The following FERMT2 variants were observed in gnomAD, a reference collection of about 807,000 sequenced individuals.
FERMT2 encodes the protein fermitin family homolog 2.
FERMT2 carries 15 observed loss-of-function variants against 82.7 expected under a neutral mutation model. That is an observed-to-expected ratio of 0.18 (90% confidence interval 0.12 to 0.28). FERMT2 has a LOEUF of 0.28. Ranked by LOEUF, FERMT2 falls within the 10% of genes least tolerant of loss-of-function variation. The probability of loss-of-function intolerance (pLI) is 1.00; values close to 1 mark genes in which losing one functional copy is unlikely to be tolerated. For missense variants in FERMT2, 645 were observed against 809.4 expected (o/e 0.80, Z 2.46); for synonymous variants, 274 against 271.5 (o/e 1.01, Z -0.09).
At chr14:52,937,343 C>T (rs909900108) in intron 2 of FERMT2, among the ~76,000 whole-genome samples, 2 of 152,166 alleles carry the variant, frequency 1.3e-5, no homozygotes, top group Admixed American at 1.3e-4. Context: ...AACAGAATAT[C>T]GTTTCACAGT....
chr14:52,882,450 C>T (rs565835076), intron 4 of FERMT2, among the ~76,000 whole-genome samples: 3 of 152,136 alleles, frequency 2.0e-5, no homozygotes, highest in Non-Finnish European at 4.4e-5. Flanking sequence ...ATGGTATGTG[C>T]TCCTTTATTT....
intron 12 of FERMT2, chr14:52,861,083 A>C: frequency 6.8e-7 from 1 of 1,475,734 alleles, no homozygotes; most frequent in Non-Finnish European, 9.0e-7. Flanking sequence ...AAGAAAAAAA[A>C]AGGCAATCAG....
At chr14:52,945,979 C>T (rs577363612) in intron 2 of FERMT2, among the ~76,000 whole-genome samples, 7 of 152,212 alleles carry the variant, frequency 4.6e-5, no homozygotes, top group African/African-American at 9.6e-5. Flanking sequence ...TGGGTTCGAG[C>T]GATTCTCCTG....
chr14:52,868,940 G>A (rs1202711333), intron 10 of FERMT2, among the ~76,000 whole-genome samples: 2 of 152,192 alleles, frequency 1.3e-5, no homozygotes, highest in Non-Finnish European at 2.9e-5. Flanking sequence ...TGAGTCCTTT[G>A]AGAGGACTTG....
intron 3 of FERMT2, among the ~76,000 whole-genome samples, chr14:52,913,380 C>T (rs1378421122): frequency 1.3e-5 from 2 of 152,160 alleles, no homozygotes; most frequent in Admixed American, 6.5e-5. Context: ...CTGGATATGG[C>T]TTCTCTGTCC....
At chr14:52,880,863 T>C (rs576838030) in intron 6 of FERMT2, among the ~76,000 whole-genome samples, 173 bp downstream of exon 6, 1 of 152,322 alleles carries the variant, frequency 6.6e-6, no homozygotes, top group African/African-American at 2.4e-5. Flanking sequence ...CCTACTAAAA[T>C]AGACTTATTT....
chr14:52,904,804 C>T (rs904860835), intron 3 of FERMT2, among the ~76,000 whole-genome samples: 2 of 139,562 alleles, frequency 1.4e-5, no homozygotes, highest in African/African-American at 5.3e-5. Context: ...GGTAAAAATA[C>T]ACATTTTGGC....
intron 3 of FERMT2, among the ~76,000 whole-genome samples, chr14:52,906,599 A>T (rs1888026142): frequency 6.6e-6 from 1 of 152,184 alleles, no homozygotes; most frequent in Admixed American, 6.5e-5. Flanking sequence ...TAATAGCTAT[A>T]TAAAAATACT....
intron 3 of FERMT2, among the ~76,000 whole-genome samples, chr14:52,896,879 C>T (rs1048053965): frequency 2.0e-5 from 3 of 151,726 alleles, no homozygotes; most frequent in Admixed American, 6.6e-5. Flanking sequence ...ACCTAGAGTC[C>T]CAGCTACTCA....
chr14:52,937,712 C>T (rs1323757838), intron 2 of FERMT2, among the ~76,000 whole-genome samples: 2 of 152,152 alleles, frequency 1.3e-5, no homozygotes, highest in East Asian at 3.8e-4. Context: ...CTTATATTCC[C>T]ACACGTCTCA....
At chr14:52,917,588 C>T (rs1203017478) in intron 3 of FERMT2, among the ~76,000 whole-genome samples, 2 of 152,106 alleles carry the variant, frequency 1.3e-5, no homozygotes, top group Admixed American at 6.5e-5. Context: ...TGTGAATCTA[C>T]CTGTATCTCC....
chr14:52,857,607 GAGT>G lies in FERMT2; in HGVS notation c.*767_*769del, dbSNP rs1278496095. On this transcript the variant is annotated 3_prime_UTR_variant, in exon 15 of 15. Coordinates refer to ENST00000341590, the MANE Select transcript of FERMT2 (RefSeq NM_006832.3). ...TACATTTAAGCCATCTGCTAGTTGTGAGTAGTTTTTAAAAAACTGTACAATTTT... is the reference window on the plus strand; with the variant it reads ...TACATTTAAGCCATCTGCTAGTTGTGAGTTTTTAAAAAACTGTACAATTTT... The G allele has an allele frequency of 6.6e-6, 1 of 152,608 alleles. No individual in the cohort carries two copies. Among genetic ancestry groups the G allele is most frequent in the African/African-American group, 2.4e-5 (1 of 41,436 alleles). The allele number at this position is 152,608 out of a possible 1,614,324, so 9.5% of individuals were successfully genotyped here. A position where few individuals can be genotyped will look rare whatever the true frequency, so the allele number is the denominator to read the frequency against.
At chr14:52,930,604 C>T (rs1193423889) in intron 2 of FERMT2, among the ~76,000 whole-genome samples, 2 of 152,296 alleles carry the variant, frequency 1.3e-5, no homozygotes, top group Non-Finnish European at 2.9e-5. Flanking sequence ...GGGCACCTGG[C>T]TACTCCCTAG....
intron 3 of FERMT2, among the ~76,000 whole-genome samples, chr14:52,914,539 CATAAGATAAAGAA>C (rs1278696675): frequency 6.6e-6 from 1 of 151,966 alleles, no homozygotes; most frequent in African/African-American, 2.4e-5. Context: ...AATCCAATAC[CATAAGATAAAGAA>C]ATAAGATGTA....
chr14:52,896,999 AACACACACACAC>A (rs57945447), intron 3 of FERMT2, among the ~76,000 whole-genome samples: 5,817 of 137,018 alleles, frequency 0.042, 343 homozygotes, highest in East Asian at 0.16. Context: ...AAACAAATAA[AACACACACACAC>A]ACACACACAC....
At chr14:52,949,068 G>C (rs1054174657) in intron 2 of FERMT2, among the ~76,000 whole-genome samples, 1 of 152,164 alleles carries the variant, frequency 6.6e-6, no homozygotes, top group Non-Finnish European at 1.5e-5. Flanking sequence ...AATCAATACA[G>C]CAAAATCTAA....
intron 3 of FERMT2, among the ~76,000 whole-genome samples, chr14:52,895,708 G>C (rs1235437652): frequency 2.0e-5 from 3 of 152,134 alleles, no homozygotes; most frequent in Non-Finnish European, 2.9e-5. Context: ...CTTGATTGTG[G>C]TGGTTTCAGA....
intron 3 of FERMT2, among the ~76,000 whole-genome samples, chr14:52,909,899 A>G (rs1301995913): frequency 6.6e-6 from 1 of 151,914 alleles, no homozygotes; most frequent in Non-Finnish European, 1.5e-5. Flanking sequence ...CTAAAAATAC[A>G]AAAATTAGCT....
At chr14:52,885,448 C>T (rs1886546037) in intron 4 of FERMT2, among the ~76,000 whole-genome samples, 1 of 151,730 alleles carries the variant, frequency 6.6e-6, no homozygotes, top group African/African-American at 2.4e-5. Context: ...ATTTTAAATT[C>T]CTTCATCGTG....
Sources: allele counts gnomAD v4.1 joint callset (sites outside exome capture counted in the v4.1 genomes callset), GRCh38; gene constraint gnomAD v4.1.1; transcripts MANE v1.5; gene names NCBI Gene and HGNC (gene_info 2026-07-23, HGNC 2026-07-21).